Variants in GALNT17 observed in about 807,000 individuals in gnomAD.
The protein encoded by GALNT17 is UDP-GalNAc:polypeptide N-acetylgalactosaminyltransferase-like 3.
GALNT17 carries 29 observed loss-of-function variants against 63.7 expected under a neutral mutation model. The observed-to-expected ratio is 0.46, with a 90% CI of 0.34 to 0.62. The LOEUF (loss-of-function observed/expected upper bound fraction) is 0.62, where lower values mean the gene tolerates loss of function less well. Among genes scored for constraint, GALNT17 ranks in the 20% least tolerant of loss-of-function variants. The pLI, the probability that GALNT17 is intolerant of heterozygous loss-of-function variation, is 0.01. For missense variants in GALNT17, 603 were observed against 799.6 expected (o/e 0.75, Z 2.97); for synonymous variants, 305 against 318.3 (o/e 0.96, Z 0.45).
intron 5 of GALNT17, among the ~76,000 whole-genome samples, chr7:71,527,120 G>C (rs750466712): frequency 2.0e-5 from 3 of 151,988 alleles, no homozygotes; most frequent in Non-Finnish European, 2.9e-5. Flanking sequence ...GGCTGTTTTT[G>C]TTTTCATAAT....
At chr7:71,623,229 T>C (rs1405374669) in intron 6 of GALNT17, among the ~76,000 whole-genome samples, 1 of 152,092 alleles carries the variant, frequency 6.6e-6, no homozygotes, top group Non-Finnish European at 1.5e-5. Flanking sequence ...TTACTTAATC[T>C]CTCTGTGCCT....
At position 71,705,222 on chromosome 7, in the gene GALNT17, T is replaced by C. The variant is rs116741012; in HGVS notation, c.1501-5539T>C. Among the ~76,000 whole-genome samples, 286 of 152,258 alleles carry C rather than the reference T, an allele frequency of 1.9e-3. 2 individuals are homozygous for C. Among genetic ancestry groups the C allele is most frequent in the African/African-American group, 6.2e-3 (257 of 41,556 alleles). Reference sequence around the variant, plus strand: ...TCAAAAGAGTTGAATAGACTTTTTTTTCAAAGAAGATATAAAACGGTCAAT... The same window carrying C: ...TCAAAAGAGTTGAATAGACTTTTTTCTCAAAGAAGATATAAAACGGTCAAT... On this transcript the variant is annotated intron_variant, in intron 9 of 10. Transcript: ENST00000333538.
intron 5 of GALNT17, among the ~76,000 whole-genome samples, chr7:71,498,215 C>G (rs1788126541): frequency 6.6e-6 from 1 of 152,166 alleles, no homozygotes; most frequent in Admixed American, 6.6e-5. Context: ...GTGTCTCATA[C>G]CTGTAATCCC....
intron 6 of GALNT17, among the ~76,000 whole-genome samples, chr7:71,583,988 C>T (rs186377552): frequency 3.0e-4 from 45 of 151,850 alleles, no homozygotes; most frequent in Non-Finnish European, 6.2e-4. Flanking sequence ...AAAAATTAGC[C>T]GGGCGTGGTG....
At chr7:71,546,893 G>C (rs558432589) in intron 5 of GALNT17, among the ~76,000 whole-genome samples, 1 of 152,242 alleles carries the variant, frequency 6.6e-6, no homozygotes, top group African/African-American at 2.4e-5. Flanking sequence ...TCTTTTATGG[G>C]TCCACTTACC....
intron 5 of GALNT17, among the ~76,000 whole-genome samples, chr7:71,566,006 G>A (rs1384340890): frequency 6.6e-6 from 1 of 151,796 alleles, no homozygotes; most frequent in Non-Finnish European, 1.5e-5. Context: ...ACTAGGCCTG[G>A]CTAATTTTGT....
chr7:71,618,060 G>C (rs902170059), intron 6 of GALNT17, among the ~76,000 whole-genome samples: 2 of 152,116 alleles, frequency 1.3e-5, no homozygotes, highest in Non-Finnish European at 2.9e-5. Flanking sequence ...TTATAAGTGA[G>C]AACATGCAGG....
intron 1 of GALNT17, among the ~76,000 whole-genome samples, chr7:71,135,609 T>G (rs1292141951): frequency 6.6e-6 from 1 of 152,190 alleles, no homozygotes; most frequent in Non-Finnish European, 1.5e-5. Context: ...AAGAGCCCTT[T>G]AAGACAGATT....
At chr7:71,591,488 C>T (rs1789800543) in intron 6 of GALNT17, among the ~76,000 whole-genome samples, 1 of 152,186 alleles carries the variant, frequency 6.6e-6, no homozygotes, top group African/African-American at 2.4e-5. Context: ...GCTCAGCCTT[C>T]CAGGACCTCC....
At chr7:71,666,122 C>A (rs1315870369) in intron 7 of GALNT17, among the ~76,000 whole-genome samples, 5 of 152,004 alleles carry the variant, frequency 3.3e-5, no homozygotes, top group Non-Finnish European at 7.4e-5. Context: ...GTTTGAATCC[C>A]AACTCTATCA....
intron 5 of GALNT17, among the ~76,000 whole-genome samples, chr7:71,447,262 T>TC (rs895518532): frequency 4.6e-5 from 7 of 152,200 alleles, no homozygotes. Flanking sequence ...ATTTGGGGTT[T>TC]CCCACCACCT....
At chr7:71,523,741 C>CAAAA (rs1274624176) in intron 5 of GALNT17, among the ~76,000 whole-genome samples, 14 of 92,622 alleles carry the variant, frequency 1.5e-4, no homozygotes, top group Non-Finnish European at 3.1e-4. Context: ...GACCCTGTCT[C>CAAAA]AAAAAATAAA....
At chr7:71,144,991 A>G (rs144412980) in intron 1 of GALNT17, among the ~76,000 whole-genome samples, 50 of 152,170 alleles carry the variant, frequency 3.3e-4, no homozygotes, top group East Asian at 3.1e-3. Context: ...GCCTCCCAAA[A>G]TGCTGGGAAT....
chr7:71,447,183 C>T (rs976619843), intron 5 of GALNT17, among the ~76,000 whole-genome samples: 2 of 152,166 alleles, frequency 1.3e-5, no homozygotes, highest in African/African-American at 4.8e-5. Flanking sequence ...AAGACTGCTC[C>T]CACTTTAGGC....
intron 5 of GALNT17, among the ~76,000 whole-genome samples, chr7:71,482,959 G>A (rs1417633577): frequency 6.6e-6 from 1 of 152,128 alleles, no homozygotes; most frequent in African/African-American, 2.4e-5. Flanking sequence ...TGGGTAAGGC[G>A]AGTGATGGGG....
At chr7:71,572,610 A>G (rs1789466683) in intron 6 of GALNT17, among the ~76,000 whole-genome samples, 1 of 151,764 alleles carries the variant, frequency 6.6e-6, no homozygotes, top group Non-Finnish European at 1.5e-5. Flanking sequence ...ACTGAGTGAC[A>G]CATCCATTAC....
chr7:71,160,356 C>G (rs975986503), intron 1 of GALNT17, among the ~76,000 whole-genome samples: 2 of 152,158 alleles, frequency 1.3e-5, no homozygotes, highest in African/African-American at 2.4e-5. Context: ...TTCAGTGATT[C>G]GTTGAGTTCC....
chr7:71,528,576 G>T (rs1788663908), intron 5 of GALNT17, among the ~76,000 whole-genome samples: 1 of 152,126 alleles, frequency 6.6e-6, no homozygotes, highest in Non-Finnish European at 1.5e-5. Context: ...GCTGTTCTTA[G>T]GGAAGGGGCA....
intron 1 of GALNT17, among the ~76,000 whole-genome samples, chr7:71,178,798 G>A (rs1233261744): frequency 6.6e-6 from 1 of 152,038 alleles, no homozygotes; most frequent in African/African-American, 2.4e-5. Context: ...ATTCTTGGAC[G>A]TATGTATAAT....
Sources: gnomAD v4.1 joint callset for allele counts (sites outside exome capture counted in the v4.1 genomes callset) on GRCh38, gnomAD v4.1.1 for gene constraint, MANE v1.5 for transcripts, NCBI Gene and HGNC (gene_info 2026-07-23, HGNC 2026-07-21) for gene names.